TBCK: variants seen among roughly 807,000 people sequenced by gnomAD.
TBCK encodes the protein TBC1 domain containing kinase, also known as TBC domain-containing protein kinase-like protein.
In TBCK, 99 loss-of-function variants were observed where a neutral mutation model predicts 113.4. That is an observed-to-expected ratio of 0.87 (90% CI 0.74 to 1.03). The LOEUF is 1.03. Among genes scored for constraint, TBCK ranks in the 50% least tolerant of loss-of-function variants. The probability of loss-of-function intolerance (pLI) is 0.00; values close to 1 mark genes in which losing one functional copy is unlikely to be tolerated. For synonymous variants in TBCK, 369 were observed against 370.8 expected (o/e 1.00, Z 0.05); for missense variants, 1,045 against 1,061.3 (o/e 0.98, Z 0.21).
intron 22 of TBCK, among the ~76,000 whole-genome samples, chr4:106,186,584 G>T (rs1438733279): frequency 6.6e-6 from 1 of 152,042 alleles, no homozygotes; most frequent in African/African-American, 2.4e-5. Context: ...GGGGTCATTT[G>T]TGTTTTCCTT....
chr4:106,311,377 T>C (rs72660528), intron 1 of TBCK, among the ~76,000 whole-genome samples: 4,844 of 152,048 alleles, frequency 0.032, 107 homozygotes, highest in Middle Eastern at 0.078. Context: ...GTATACATAA[T>C]GAAAAATAAG....
chr4:106,144,954 G>C (rs1404392112), intron 23 of TBCK, among the ~76,000 whole-genome samples: 1 of 151,310 alleles, frequency 6.6e-6, no homozygotes. Context: ...ACTGGGAGGC[G>C]GAGGTTGCAG....
chr4:106,162,863 T>C (rs908986693), intron 23 of TBCK, among the ~76,000 whole-genome samples: 1 of 152,156 alleles, frequency 6.6e-6, no homozygotes, highest in African/African-American at 2.4e-5. Flanking sequence ...TGAAGGTCTC[T>C]GACATGCCCT....
intron 25 of TBCK, among the ~76,000 whole-genome samples, chr4:106,085,062 C>T (rs928134052): frequency 1.3e-5 from 2 of 152,136 alleles, no homozygotes; most frequent in African/African-American, 4.8e-5. Flanking sequence ...AACCAAATAG[C>T]ATCATGATGA....
chr4:106,217,675 C>T, intron 19 of TBCK, among the ~76,000 whole-genome samples: 1 of 150,384 alleles, frequency 6.6e-6, no homozygotes, highest in East Asian at 2.0e-4. Context: ...TGTGAAGGAC[C>T]TCTTCAAGGA....
intron 23 of TBCK, among the ~76,000 whole-genome samples, chr4:106,143,460 T>C (rs972163677): frequency 7.9e-5 from 12 of 152,130 alleles, no homozygotes; most frequent in Admixed American, 6.5e-4. Flanking sequence ...GAAGATAATG[T>C]CACAAAAAAG....
intron 5 of TBCK, among the ~76,000 whole-genome samples, chr4:106,254,310 T>C (rs991514088): frequency 4.6e-5 from 7 of 152,234 alleles, no homozygotes; most frequent in African/African-American, 1.7e-4. Flanking sequence ...GGGACATTTC[T>C]GCAACCCAAG....
chr4:106,293,525 T>A (rs1765944640), intron 3 of TBCK, among the ~76,000 whole-genome samples: 1 of 152,116 alleles, frequency 6.6e-6, no homozygotes, highest in Non-Finnish European at 1.5e-5. Flanking sequence ...CATCCCAAAA[T>A]CATCCCTCCA....
chr4:106,220,227 C>A (rs541652750), intron 19 of TBCK, among the ~76,000 whole-genome samples: 1 of 152,102 alleles, frequency 6.6e-6, no homozygotes, highest in Non-Finnish European at 1.5e-5. Flanking sequence ...GCTGCTCTTG[C>A]CCGTGCTATT....
At chr4:106,290,869 G>A (rs1765640061) in intron 3 of TBCK, among the ~76,000 whole-genome samples, 1 of 152,206 alleles carries the variant, frequency 6.6e-6, no homozygotes, top group African/African-American at 2.4e-5. Flanking sequence ...CCATGCATGC[G>A]AGTGATCAGG....
chr4:106,120,864 A>G (rs4263456), intron 23 of TBCK, among the ~76,000 whole-genome samples: 152,143 of 152,154 alleles, frequency 1, 76,066 homozygotes, highest in Middle Eastern at 1. Context: ...CAAAGATGGG[A>G]AAAAAACAGA....
chr4:106,310,751 G>C (rs1768114699), intron 1 of TBCK, among the ~76,000 whole-genome samples: 1 of 152,096 alleles, frequency 6.6e-6, no homozygotes, highest in Admixed American at 6.6e-5. Flanking sequence ...AGTTGTCTGA[G>C]AATCATCAGA....
chr4:106,189,026 G>A (rs1046200859), intron 22 of TBCK, among the ~76,000 whole-genome samples: 2 of 152,012 alleles, frequency 1.3e-5, no homozygotes, highest in Non-Finnish European at 2.9e-5. Context: ...ATAACCTGAG[G>A]TTTTAAAAGT....
At chr4:106,206,991 T>C (rs542853717) in intron 20 of TBCK, among the ~76,000 whole-genome samples, 2 of 152,188 alleles carry the variant, frequency 1.3e-5, no homozygotes, top group Non-Finnish European at 2.9e-5. Flanking sequence ...AGCTGAATAC[T>C]ATTCACAGAA....
At chr4:106,213,984 G>A (rs1175035406) in intron 19 of TBCK, among the ~76,000 whole-genome samples, 1 of 152,214 alleles carries the variant, frequency 6.6e-6, no homozygotes, top group Admixed American at 6.5e-5. Flanking sequence ...CAGCTTTGAA[G>A]AGAGCAGTGG....
In TBCK at chr4:106,293,191, TAA is replaced by T. The variant is rs561438199; in HGVS notation, c.266+1901_266+1902del. ...TATCAAATCTCCATACATTCTAGATTAAAGTCAAGACAGAATATCCCAAGATT... is the reference window on the plus strand; with the variant it reads ...TATCAAATCTCCATACATTCTAGATTAGTCAAGACAGAATATCCCAAGATT... On this transcript the variant is annotated intron_variant, in intron 3 of 25. Coordinates refer to ENST00000394708, the MANE Select transcript of TBCK (RefSeq NM_001163435.3). Among the ~76,000 whole-genome samples, 317 of 152,304 alleles carry T rather than the reference TAA, an allele frequency of 2.1e-3. 1 individual carries two copies. Among genetic ancestry groups the T allele is most frequent in the African/African-American group, 7.3e-3 (302 of 41,578 alleles).
At chr4:106,201,545 TAC>T (rs1426060082) in intron 20 of TBCK, among the ~76,000 whole-genome samples, 8 of 152,086 alleles carry the variant, frequency 5.3e-5, no homozygotes, top group African/African-American at 1.9e-4. Context: ...AGTGCTATTC[TAC>T]ACAGTCAGCT....
chr4:106,236,121 C>A (rs1168173864), intron 14 of TBCK, among the ~76,000 whole-genome samples: 1 of 151,618 alleles, frequency 6.6e-6, no homozygotes, highest in Non-Finnish European at 1.5e-5. Context: ...TGATGTTTTT[C>A]CTGTTGACTT....
At chr4:106,203,771 T>A (rs971341680) in intron 20 of TBCK, among the ~76,000 whole-genome samples, 1 of 152,050 alleles carries the variant, frequency 6.6e-6, no homozygotes, top group Non-Finnish European at 1.5e-5. Context: ...CAAAAAACTT[T>A]TCAAAATTTT....
Sources: allele counts gnomAD v4.1 joint callset (sites outside exome capture counted in the v4.1 genomes callset), GRCh38; gene constraint gnomAD v4.1.1; transcripts MANE v1.5; gene names NCBI Gene and HGNC (gene_info 2026-07-23, HGNC 2026-07-21).